SUPT3H: variants seen among roughly 807,000 people sequenced by gnomAD.
The protein encoded by SUPT3H is transcription initiation protein SPT3 homolog.
A neutral mutation model predicts 44.3 loss-of-function variants in SUPT3H; 44 were observed. The observed-to-expected ratio is 0.99, with a 90% confidence interval of 0.78 to 1.28. SUPT3H has a LOEUF of 1.28. Among genes scored for constraint, SUPT3H ranks in the 50% most tolerant of loss-of-function variants. The pLI is 0.00. For missense variants in SUPT3H, 380 were observed against 387.1 expected (o/e 0.98, Z 0.15); for synonymous variants, 124 against 125.6 (o/e 0.99, Z 0.09).
chr6:44,966,794 C>G (rs1290185614), intron 6 of SUPT3H, among the ~76,000 whole-genome samples: 1 of 152,186 alleles, frequency 6.6e-6, no homozygotes, highest in Non-Finnish European at 1.5e-5. Context: ...ATATCATTGT[C>G]AAAGGCACTG....
intron 2 of SUPT3H, among the ~76,000 whole-genome samples, chr6:45,240,391 T>C (rs1438361703): frequency 1.3e-5 from 2 of 152,230 alleles, no homozygotes; most frequent in Non-Finnish European, 2.9e-5. Flanking sequence ...TTATTGGGCA[T>C]ATTTATCAAT....
chr6:45,020,526 A>G lies in SUPT3H; in HGVS notation c.273+20T>C. On this transcript the variant is annotated intron_variant, in intron 4 of 10. Transcript: ENST00000371459. ...TAAACAAAACGTGGATTTTAATACA[A>G]TAAAATTATGTTATATTACCTTATC... The G allele has an allele frequency of 6.3e-7, 1 of 1,584,014 alleles. No individual in the cohort carries two copies. The highest frequency in any genetic ancestry group is 1.7e-4 in the Middle Eastern group (1 of 5,768).
At chr6:44,976,153 T>C (rs769661270) in intron 6 of SUPT3H, among the ~76,000 whole-genome samples, 9 of 152,002 alleles carry the variant, frequency 5.9e-5, no homozygotes, top group Non-Finnish European at 4.4e-5. Context: ...TGAGTTAACA[T>C]AAAACAAAAG....
chr6:45,288,585 ATATATATATATGTGTATATATATATATG>A (rs1562882725), intron 2 of SUPT3H, among the ~76,000 whole-genome samples: 304 of 36,726 alleles, frequency 8.3e-3, no homozygotes, highest in East Asian at 0.023. Context: ...ATATATATGT[ATATATATATATGTGTATATATATATATG>A]TATATATATA....
intron 2 of SUPT3H, among the ~76,000 whole-genome samples, chr6:45,284,903 T>C (rs1223299528): frequency 6.6e-6 from 1 of 152,182 alleles, no homozygotes; most frequent in Non-Finnish European, 1.5e-5. Flanking sequence ...CATGATCAAG[T>C]GGGCTTCATC....
chr6:45,086,885 T>C (rs1211123151), intron 3 of SUPT3H, among the ~76,000 whole-genome samples: 1 of 151,924 alleles, frequency 6.6e-6, no homozygotes, highest in Non-Finnish European at 1.5e-5. Flanking sequence ...TAGGTGTCAG[T>C]GTAAGAAACG....
intron 9 of SUPT3H, among the ~76,000 whole-genome samples, chr6:44,942,465 T>A (rs1772603094): frequency 6.6e-6 from 1 of 152,156 alleles, no homozygotes; most frequent in African/African-American, 2.4e-5. Context: ...TAACATATAA[T>A]CTTAGATCCT....
intron 2 of SUPT3H, among the ~76,000 whole-genome samples, chr6:45,261,503 T>C (rs1361255077): frequency 6.6e-6 from 1 of 151,664 alleles, no homozygotes; most frequent in African/African-American, 2.4e-5. Flanking sequence ...TCCATAGATG[T>C]AGAAAAGGCT....
At chr6:45,112,453 C>A (rs1283735754) in intron 2 of SUPT3H, among the ~76,000 whole-genome samples, 5 of 151,886 alleles carry the variant, frequency 3.3e-5, no homozygotes, top group Non-Finnish European at 7.4e-5. Flanking sequence ...CGGAATTTTA[C>A]ATTATTCTTT....
intron 5 of SUPT3H, among the ~76,000 whole-genome samples, chr6:45,006,395 G>T (rs1239342334): frequency 6.6e-6 from 1 of 151,044 alleles, no homozygotes; most frequent in East Asian, 1.9e-4. Context: ...TTAATGGTTT[G>T]GCCATGTTGA....
chr6:45,218,206 T>G (rs529125169), intron 2 of SUPT3H, among the ~76,000 whole-genome samples: 8 of 152,132 alleles, frequency 5.3e-5, no homozygotes, highest in Non-Finnish European at 8.8e-5. Flanking sequence ...GGAGCTGTAT[T>G]AATATCAGAT....
intron 10 of SUPT3H, among the ~76,000 whole-genome samples, chr6:44,925,224 G>C (rs1265143029): frequency 6.6e-6 from 1 of 152,082 alleles, no homozygotes; most frequent in Non-Finnish European, 1.5e-5. Flanking sequence ...CTGGATTCTA[G>C]GGTTAGTTCT....
intron 9 of SUPT3H, among the ~76,000 whole-genome samples, chr6:44,944,438 A>G (rs887125370): frequency 6.6e-6 from 1 of 152,076 alleles, no homozygotes; most frequent in South Asian, 2.1e-4. Flanking sequence ...AATACATCAA[A>G]TATCACAGAA....
intron 3 of SUPT3H, among the ~76,000 whole-genome samples, chr6:45,030,183 C>T (rs898030631): frequency 6.6e-6 from 1 of 152,084 alleles, no homozygotes. Flanking sequence ...TGAATTTGTT[C>T]AACATAATAT....
chr6:44,993,461 T>C (rs1024008702), intron 6 of SUPT3H, among the ~76,000 whole-genome samples: 2 of 151,584 alleles, frequency 1.3e-5, no homozygotes, highest in Non-Finnish European at 2.9e-5. Context: ...GAAGGCACTT[T>C]CCCCAATTTT....
chr6:44,854,736 TA>T (rs1159528972), intron 10 of SUPT3H, among the ~76,000 whole-genome samples: 18 of 152,206 alleles, frequency 1.2e-4, no homozygotes, highest in Non-Finnish European at 2.5e-4. Context: ...TAAATGTATC[TA>T]AAATGTGATT....
intron 2 of SUPT3H, among the ~76,000 whole-genome samples, chr6:45,176,136 G>A (rs150159425): frequency 0.054 from 8,180 of 152,036 alleles, 732 homozygotes; most frequent in African/African-American, 0.18. Context: ...CAGAAGACGG[G>A]TGATTTCTGC....
intron 2 of SUPT3H, among the ~76,000 whole-genome samples, chr6:45,333,895 T>C (rs367603298): frequency 6.6e-6 from 1 of 151,322 alleles, no homozygotes; most frequent in Non-Finnish European, 1.5e-5. Context: ...ATGTTTACCT[T>C]GATTAGATGA....
chr6:45,166,137 T>C (rs1390901981), intron 2 of SUPT3H, among the ~76,000 whole-genome samples: 1 of 151,714 alleles, frequency 6.6e-6, no homozygotes, highest in Non-Finnish European at 1.5e-5. Flanking sequence ...TACAAAAAAT[T>C]TAAAAATTAG....
Sources: allele counts gnomAD v4.1 joint callset (sites outside exome capture counted in the v4.1 genomes callset), GRCh38; gene constraint gnomAD v4.1.1; transcripts MANE v1.5; gene names NCBI Gene and HGNC (gene_info 2026-07-23, HGNC 2026-07-21).